PANK1: variants seen among roughly 807,000 people sequenced by gnomAD.
PANK1 encodes the protein pantothenate kinase 1, also known as pantothenic acid kinase 1.
PANK1 carries 18 observed loss-of-function variants against 40.1 expected under a neutral mutation model. That is an observed-to-expected ratio of 0.45 (90% CI 0.31 to 0.67). PANK1 has a LOEUF of 0.67. Ranked by LOEUF, PANK1 falls within the 30% of genes least tolerant of loss-of-function variation. PANK1 has a pLI of 0.06. For synonymous variants in PANK1, 242 were observed against 237.7 expected, an observed-to-expected ratio of 1.02 and a Z score of -0.17; for missense variants, 457 against 599.6, an observed-to-expected ratio of 0.76 and a Z score of 2.48.
At chr10:89,587,031 G>A (rs1015187847) in intron 6 of PANK1, among the ~76,000 whole-genome samples, 2 of 151,986 alleles carry the variant, frequency 1.3e-5, no homozygotes, top group Non-Finnish European at 1.5e-5. Context: ...GCTGAGGCTC[G>A]AGAATTGCTT....
rs78118232 is a variant in PANK1 at position 89,583,849 on chromosome 10, C to T, written c.*557G>A. The stretch of plus-strand genomic sequence containing the variant: ...CATCTGAGGACAGAAACAGAGGGAA[C>T]GACTCTTTTTTCAGAAGACAACTAA... On this transcript the variant is annotated 3_prime_UTR_variant, in exon 7 of 7. Transcript: ENST00000307534. 2,781 of 152,548 alleles carry T rather than the reference C, an allele frequency of 0.018. 210 individuals carry two copies. Among genetic ancestry groups the T allele is most frequent in the East Asian group, 0.18 (923 of 5,184 alleles). 9.4% of individuals were successfully genotyped at this position (152,548 alleles called of 1,614,324 possible).
intron 1 of PANK1, among the ~76,000 whole-genome samples, chr10:89,621,750 G>A (rs1845493473): frequency 6.6e-6 from 1 of 152,144 alleles, no homozygotes; most frequent in African/African-American, 2.4e-5. Flanking sequence ...GCCTCACTCT[G>A]CTGCTCAGGC....
intron 2 of PANK1, among the ~76,000 whole-genome samples, chr10:89,603,556 T>C (rs554936299): frequency 2.6e-5 from 4 of 152,270 alleles, no homozygotes; most frequent in African/African-American, 9.6e-5. Context: ...AATGCATCAC[T>C]GTGGGTCAGT....
intron 2 of PANK1, among the ~76,000 whole-genome samples, chr10:89,605,813 T>C (rs776115899): frequency 6.6e-6 from 1 of 152,154 alleles, no homozygotes; most frequent in East Asian, 1.9e-4. Flanking sequence ...TTGTAATCTA[T>C]GGCAGCTATG....
At position 89,644,580 on chromosome 10, in the gene PANK1, C is replaced by T. The variant is rs761257357; in HGVS notation, c.292+20G>A. On this transcript the variant is annotated intron_variant, in intron 1 of 6. Coordinates refer to ENST00000307534, the MANE Select transcript of PANK1 (RefSeq NM_148977.3). ...GCTGCGTCTGCCTTGCGCCCGCGCTCCCCTCCCAGCGGGACTTACGCGGCC... is the reference window on the plus strand; with the variant it reads ...GCTGCGTCTGCCTTGCGCCCGCGCTTCCCTCCCAGCGGGACTTACGCGGCC... The T allele has an allele frequency of 6.3e-7, 1 of 1,577,760 alleles. No homozygotes were observed. The highest frequency in any genetic ancestry group is 1.7e-5 in the Admixed American group (1 of 58,520).
At chr10:89,641,903 G>A (rs1315292990) in intron 1 of PANK1, among the ~76,000 whole-genome samples, 1 of 152,024 alleles carries the variant, frequency 6.6e-6, no homozygotes, top group Non-Finnish European at 1.5e-5. Context: ...GAATTCTGAA[G>A]GTACAGGAAA....
intron 2 of PANK1, among the ~76,000 whole-genome samples, chr10:89,607,015 G>A (rs1000477248): frequency 3.9e-5 from 6 of 152,184 alleles, no homozygotes; most frequent in African/African-American, 7.2e-5. Context: ...TGTGTTCACT[G>A]GAGTAGCACT....
rs1296497913 is a variant in PANK1, at chr10:89,645,023, G to T, written c.-132C>A. ...AGCAGCCGCAGAGCCGGCGCCTGGG[G>T]ATGGCGAACCCGGCGCTCCTCCCCT... On this transcript the variant is annotated 5_prime_UTR_variant, in exon 1 of 7. Coordinates refer to ENST00000307534, the MANE Select transcript of PANK1 (RefSeq NM_148977.3). 6.4e-7 allele frequency: 1 copy of T among 1,566,676 alleles called. No individual in the cohort carries two copies. The highest frequency in any genetic ancestry group is 1.8e-5 in the Admixed American group (1 of 54,074).
At chr10:89,627,460 G>A (rs1845689888) in intron 1 of PANK1, among the ~76,000 whole-genome samples, 1 of 152,190 alleles carries the variant, frequency 6.6e-6, no homozygotes, top group Non-Finnish European at 1.5e-5. Context: ...ACCCATGGGG[G>A]TCCTGGAACC....
At chr10:89,626,290 T>A (rs1175882579) in intron 1 of PANK1, 1 of 151,098 alleles carries the variant, frequency 6.6e-6, no homozygotes, top group Non-Finnish European at 1.5e-5. Context: ...CAACTTTCTG[T>A]GTGGTCCTCA....
intron 1 of PANK1, among the ~76,000 whole-genome samples, chr10:89,616,041 G>A (rs11185797): frequency 0.15 from 23,094 of 152,216 alleles, 2,204 homozygotes; most frequent in East Asian, 0.45. Context: ...GGTACAGGAA[G>A]TCTGTATTCA....
chr10:89,585,326 A>G (rs188323394), intron 6 of PANK1, among the ~76,000 whole-genome samples: 33 of 152,320 alleles, frequency 2.2e-4, no homozygotes, highest in Admixed American at 1.6e-3. Flanking sequence ...ATCACTTTGT[A>G]GATTAGGATT....
chr10:89,584,570 A>G, intron 6 of PANK1, 105 bp from the exon 7 acceptor site: 1 of 757,588 alleles, frequency 1.3e-6, no homozygotes, highest in South Asian at 1.7e-5. Flanking sequence ...GAAATTTAAA[A>G]CCTAAATTGT....
chr10:89,596,032 T>C (rs1006809273), intron 3 of PANK1, among the ~76,000 whole-genome samples: 3 of 151,490 alleles, frequency 2.0e-5, no homozygotes, highest in African/African-American at 7.3e-5. Context: ...TGTACATTAT[T>C]ACCTTCACAA....
In PANK1 at chr10:89,584,042, TCAC is replaced by T. The variant is rs1197867846; in HGVS notation, c.*361_*363del. 1 of 182,478 alleles carries T rather than the reference TCAC, an allele frequency of 5.5e-6. No homozygotes were observed. Among genetic ancestry groups the T allele is most frequent in the Non-Finnish European group, 1.1e-5 (1 of 87,930 alleles). The allele number at this position is 182,478 out of a possible 1,614,324, so 11.3% of individuals were successfully genotyped here. On this transcript the variant is annotated 3_prime_UTR_variant, in exon 7 of 7. Transcript: ENST00000307534. ...GAGTAATTACTAAATGAAGTTAAAA[TCAC>T]CACACTGATCAGTAAACCCCAGAAG...
At chr10:89,641,592 C>T (rs931780205) in intron 1 of PANK1, among the ~76,000 whole-genome samples, 3 of 151,912 alleles carry the variant, frequency 2.0e-5, no homozygotes, top group Non-Finnish European at 2.9e-5. Flanking sequence ...ATTAGCTGGG[C>T]GTGGTGGTGG....
At chr10:89,621,209 G>A (rs902161838) in intron 1 of PANK1, among the ~76,000 whole-genome samples, 2 of 152,052 alleles carry the variant, frequency 1.3e-5, no homozygotes, top group Admixed American at 6.6e-5. Flanking sequence ...GCTGAGGCAG[G>A]AGAATTGCTT....
intron 3 of PANK1, 43 bp downstream of exon 3, chr10:89,599,209 A>C: frequency 6.4e-7 from 1 of 1,568,390 alleles, no homozygotes; most frequent in African/African-American, 1.4e-5. Context: ...ACTGGTCATC[A>C]AGAAAGAGGT....
At chr10:89,596,049 C>T (rs993884100) in intron 3 of PANK1, among the ~76,000 whole-genome samples, 2 of 151,464 alleles carry the variant, frequency 1.3e-5, no homozygotes, top group Non-Finnish European at 2.9e-5. Context: ...ACAACTTAGT[C>T]ACAGTACAAA....
Sources: allele counts gnomAD v4.1 joint callset (sites outside exome capture counted in the v4.1 genomes callset), GRCh38; gene constraint gnomAD v4.1.1; transcripts MANE v1.5; gene names NCBI Gene and HGNC (gene_info 2026-07-23, HGNC 2026-07-21).